The following CEP76 variants were observed in gnomAD, a reference collection of about 807,000 sequenced individuals.
CEP76 encodes centrosomal protein 76, also known as centrosomal protein of 76 kDa.
In CEP76, 55 loss-of-function variants were observed where a neutral mutation model predicts 83.3. That is an observed-to-expected ratio of 0.66 (90% CI 0.53 to 0.83). The LOEUF (loss-of-function observed/expected upper bound fraction) is 0.83, where lower values mean the gene tolerates loss of function less well. CEP76 is among the 40% of genes least tolerant of loss of function. The probability of loss-of-function intolerance (pLI) is 0.00; values close to 1 mark genes in which losing one functional copy is unlikely to be tolerated. For missense variants in CEP76, 694 were observed against 799.5 expected (o/e 0.87, Z 1.59); for synonymous variants, 270 against 274.5 (o/e 0.98, Z 0.16).
rs774930991 is a variant in CEP76, at chr18:12,673,068, C to T, written c.*297G>A. ...CTGTTTGTGTAAAGAAAACTGAATG[C>T]ATTTTATATTAATATTTAAACTACT... is the stretch of plus-strand genomic sequence containing the variant. On this transcript the variant is annotated 3_prime_UTR_variant, in exon 12 of 12. Transcript: ENST00000262127. 9.1e-5 allele frequency: 92 copies of T among 1,011,996 alleles called. No homozygotes were observed. In the Middle Eastern group the frequency reaches 1.4e-3, roughly 16 times the overall value. 62.7% of individuals were successfully genotyped at this position (1,011,996 alleles called of 1,614,324 possible).
At chr18:12,698,529 G>A (rs1462015266) in intron 4 of CEP76, among the ~76,000 whole-genome samples, 1 of 152,060 alleles carries the variant, frequency 6.6e-6, no homozygotes, top group East Asian at 1.9e-4. Flanking sequence ...TGAACTCCTG[G>A]CTTCAAATGA....
At chr18:12,667,449 A>T (rs1238437043) in intron 12 of CEP76, among the ~76,000 whole-genome samples, 2 of 152,044 alleles carry the variant, frequency 1.3e-5, no homozygotes, top group Non-Finnish European at 2.9e-5. Flanking sequence ...AGAGTGAGAC[A>T]GTCTCTTGAA....
At chr18:12,671,130 T>TGC (rs141935819), downstream of CEP76, 1 of 149,224 alleles carries the variant, frequency 6.7e-6, no homozygotes, top group Non-Finnish European at 1.5e-5. Flanking sequence ...TTTAGAGAAA[T>TGC]AGGGGGGGGT....
At chr18:12,666,436 G>T (rs945702907) in intron 12 of CEP76, among the ~76,000 whole-genome samples, 12 of 126,620 alleles carry the variant, frequency 9.5e-5, no homozygotes, top group Non-Finnish European at 9.9e-5. Context: ...AAATTTTATG[G>T]TTTTTTTTTT....
chr18:12,701,985 A>T (rs773735820), intron 1 of CEP76, among the ~76,000 whole-genome samples: 10 of 151,850 alleles, frequency 6.6e-5, no homozygotes, highest in Non-Finnish European at 1.0e-4. Flanking sequence ...AAATTAGCCG[A>T]GCGTGGTGGC....
At chr18:12,700,594 G>A (rs1377452975) in intron 2 of CEP76, among the ~76,000 whole-genome samples, 2 of 152,086 alleles carry the variant, frequency 1.3e-5, no homozygotes, top group African/African-American at 2.4e-5. Flanking sequence ...CCAAAAGAGT[G>A]CTTATTTTAA....
chr18:12,675,644 AAAC>A (rs1198006346), intron 10 of CEP76, among the ~76,000 whole-genome samples: 6 of 152,072 alleles, frequency 3.9e-5, no homozygotes, highest in African/African-American at 1.2e-4. Context: ...GGAATGTTAA[AAAC>A]AACATGATTC....
chr18:12,670,761 C>G (rs1951526199), downstream of CEP76: 1 of 151,784 alleles, frequency 6.6e-6, no homozygotes. Flanking sequence ...GATTCACCCA[C>G]CTCAGCCTCC....
At chr18:12,689,907 G>A (rs1481766027) in intron 7 of CEP76, among the ~76,000 whole-genome samples, 2 of 152,148 alleles carry the variant, frequency 1.3e-5, no homozygotes, top group East Asian at 3.8e-4. Context: ...TCCTGCCTCA[G>A]CCTCCTGACT....
Position 12,673,345 on chromosome 18 carries a change from A to G in CEP76, c.*20T>C. 1 of 1,592,396 alleles carries G rather than the reference A, an allele frequency of 6.3e-7. No homozygotes were observed. The highest frequency in any genetic ancestry group is 1.9e-5 in the Admixed American group (1 of 53,972). ...AAATTCCAATTAAACACAGGTATAA[A>G]TCTTATATAAATATTGGCCCTATAA... On this transcript the variant is annotated 3_prime_UTR_variant, in exon 12 of 12. Coordinates refer to ENST00000262127, the MANE Select transcript of CEP76 (RefSeq NM_024899.4).
intron 9 of CEP76, among the ~76,000 whole-genome samples, chr18:12,680,136 T>C (rs564096670): frequency 2.0e-5 from 3 of 151,898 alleles, no homozygotes; most frequent in Admixed American, 6.6e-5. Context: ...ACCAACATCA[T>C]GTTGGTAAAG....
Position 12,702,698 on chromosome 18 carries a change from G to A in CEP76, c.-150C>T, listed in dbSNP as rs1377367193. 5.9e-6 allele frequency: 5 copies of A among 840,414 alleles called. No individual in the cohort carries two copies. Among genetic ancestry groups the A allele is most frequent in the Non-Finnish European group, 8.8e-6 (5 of 568,190 alleles). 52.1% of individuals were successfully genotyped at this position (840,414 alleles called of 1,614,324 possible). ...CAGCTCCCGGGGGACGCAACGCCGC[G>A]TCAGGCCGGGGGCTGACCTGGAAAT... On this transcript the variant is annotated 5_prime_UTR_variant, in exon 1 of 12. The change creates a new upstream start codon in the 5' untranslated region. Transcript: ENST00000262127.
chr18:12,671,104 A>G (rs2038930366), downstream of CEP76: 1 of 149,328 alleles, frequency 6.7e-6, no homozygotes, highest in South Asian at 2.1e-4. Context: ...AAAATAAAAC[A>G]AAGTAGATTT....
intron 6 of CEP76, among the ~76,000 whole-genome samples, chr18:12,691,810 T>C (rs996018974): frequency 1.3e-5 from 2 of 151,300 alleles, no homozygotes; most frequent in African/African-American, 2.4e-5. Context: ...CTGCCTCCCA[T>C]GTTCAAGCAA....
At chr18:12,671,548 T>C (rs1218263823), downstream of CEP76, among the ~76,000 whole-genome samples, 1 of 151,958 alleles carries the variant, frequency 6.6e-6, no homozygotes, top group East Asian at 1.9e-4. Flanking sequence ...AAAAGTTGAA[T>C]TGCTACTCTT....
chr18:12,680,790 A>G lies in CEP76; in HGVS notation c.1161T>C (p.Leu387=). The change falls in exon 9 of 12, where the codon CTT becomes CTC. Residue 387 remains leucine (L), a synonymous_variant. Transcript: ENST00000262127. The part of the protein sequence containing the change: ...CEDHANLLCS[L]LLGYGLEAFV... ...AGGCTTCTAATCCATATCCAAGAAGAAGGCTGCACAGAAGGTTAGCGTGAT... is the reference window on the plus strand; with the variant it reads ...AGGCTTCTAATCCATATCCAAGAAGGAGGCTGCACAGAAGGTTAGCGTGAT... The G allele has an allele frequency of 6.2e-6, 10 of 1,613,478 alleles. No individual in the cohort carries two copies. Among genetic ancestry groups the G allele is most frequent in the South Asian group, 2.2e-5 (2 of 90,938 alleles).
Position 12,672,661 on chromosome 18 carries a change from C to T in CEP76, c.*704G>A, listed in dbSNP as rs1375363410. On this transcript the variant is annotated 3_prime_UTR_variant, in exon 12 of 12. Transcript: ENST00000262127. The stretch of plus-strand genomic sequence containing the variant: ...CTGCAAGATCACAATTTATCAGTAT[C>T]ATAACAAAGAGGTATAATAAAGTTT... The T allele has an allele frequency of 9.2e-6, 9 of 980,814 alleles. No individual in the cohort carries two copies. The East Asian group carries it at 4.5e-4, about 49-fold the overall frequency. The allele number at this position is 980,814 out of a possible 1,614,324, so 60.8% of individuals were successfully genotyped here.
intron 5 of CEP76, among the ~76,000 whole-genome samples, chr18:12,696,139 T>C (rs2039948481): frequency 6.6e-6 from 1 of 152,202 alleles, no homozygotes; most frequent in African/African-American, 2.4e-5. Context: ...TGAAAATAAA[T>C]TTCTTACATA....
chr18:12,690,503 C>T (rs1053628488), intron 7 of CEP76, among the ~76,000 whole-genome samples: 5 of 151,672 alleles, frequency 3.3e-5, no homozygotes, highest in East Asian at 3.9e-4. Flanking sequence ...TTGCCCAGGC[C>T]GGACTGCAGT....
Sources: allele counts gnomAD v4.1 joint callset (sites outside exome capture counted in the v4.1 genomes callset), GRCh38; gene constraint gnomAD v4.1.1; transcripts MANE v1.5; gene names NCBI Gene and HGNC (gene_info 2026-07-23, HGNC 2026-07-21).